Variants in LAMB2 observed in about 807,000 individuals in gnomAD.
LAMB2 encodes laminin subunit beta-2.
LAMB2 carries 119 observed loss-of-function variants against 202.7 expected under a neutral mutation model. The observed-to-expected ratio is 0.59, with a 90% CI of 0.51 to 0.68. The LOEUF (loss-of-function observed/expected upper bound fraction) is 0.68. Among genes scored for constraint, LAMB2 ranks in the 30% least tolerant of loss-of-function variants. LAMB2 has a pLI of 0.00. For missense variants in LAMB2, 2,124 were observed against 2,410.6 expected (o/e 0.88, Z 2.49); for synonymous variants, 818 against 902.2 (o/e 0.91, Z 1.67).
At position 49,129,680 on chromosome 3, in the gene LAMB2, C is replaced by T. The variant is rs144230655; in HGVS notation, c.1442G>A (p.Ser481Asn). 1.2e-4 allele frequency: 199 copies of T among 1,613,964 alleles called. No individual in the cohort carries two copies. The highest frequency in any genetic ancestry group is 1.6e-4 in the Middle Eastern group (1 of 6,084). ...QCNARGTVPG[S>N]TPCDPNSGSC... ...TCCACTGTTGGGGTCACAAGGAGTG[C>T]TCCCAGGCACTGTGCCCCGTGCATT... Residue 481 changes from serine to asparagine, a missense_variant, in exon 11 of 32, where the codon AGC becomes AAC. Coordinates refer to ENST00000305544, the MANE Select transcript of LAMB2 (RefSeq NM_002292.4). This position sits in a 1 kb window ranked among gnomAD's most constrained non-coding sequence, Gnocchi z 6.1.
chr3:49,123,607 C>T lies in LAMB2; in HGVS notation c.3822G>A (p.Glu1274=). ...ELRREIGEAT[E]HLTQLEADLT... is the part of the protein sequence containing the mutation. ...GGTCTGCCTCGAGCTGAGTCAGGTG[C>T]TCAGTGGCCTCCCCAATTTCACGCC... Residue 1274 remains glutamate, a synonymous_variant, in exon 25 of 32, where the codon GAG becomes GAA. Transcript: ENST00000305544. 6.2e-7 allele frequency: 1 copy of T among 1,614,170 alleles called. No homozygotes were observed. The highest frequency in any genetic ancestry group is 2.2e-5 in the East Asian group (1 of 44,890).
At chr3:49,123,077 G>C (rs1378936377) in intron 26 of LAMB2, 25 bp from the exon 27 acceptor site, 3 of 1,606,500 alleles carry the variant, frequency 1.9e-6, no homozygotes, top group Middle Eastern at 1.7e-4. Flanking sequence ...ACAAGTCAGG[G>C]CCCTGTGAGA....
Position 49,132,238 on chromosome 3 carries a change from C to A in LAMB2, c.385+32G>T, listed in dbSNP as rs760323101. The A allele has an allele frequency of 1.2e-6, 2 of 1,614,178 alleles. No homozygotes were observed. The highest frequency in any genetic ancestry group is 1.7e-6 in the Non-Finnish European group (2 of 1,180,020). ...GGACTCAAAGCTACTGGTGGGCAGCCCTGCTCACTTTTGCCCCACCCATGG... is the reference window on the plus strand; with the variant it reads ...GGACTCAAAGCTACTGGTGGGCAGCACTGCTCACTTTTGCCCCACCCATGG... On this transcript the variant is annotated intron_variant, in intron 3 of 31. Coordinates refer to ENST00000305544, the MANE Select transcript of LAMB2 (RefSeq NM_002292.4). This position sits in a 1 kb window ranked among gnomAD's most constrained non-coding sequence, Gnocchi z 4.6.
chr3:49,123,679 C>T, intron 24 of LAMB2, 48 bp from the exon 25 acceptor site: 1 of 1,613,758 alleles, frequency 6.2e-7, no homozygotes, highest in South Asian at 1.1e-5. Context: ...AGCCCTGGTC[C>T]ACTGGGCCTC....
Position 49,126,003 on chromosome 3 carries a change from TGAG to T in LAMB2, c.2305_2307del (p.Leu769del). The T allele has an allele frequency of 1.2e-6, 2 of 1,614,120 alleles. No homozygotes were observed. The highest frequency in any genetic ancestry group is 1.6e-4 in the Middle Eastern group (1 of 6,062). The stretch of plus-strand genomic sequence containing the variant: ...TTGTAGATGAGGGTGGACAGGCTGA[TGAG>T]GAGGGGTGCGCAGGCCTCAGAGGGA... On this transcript the variant is annotated inframe_deletion, in exon 17 of 32. Transcript: ENST00000305544.
In LAMB2 at chr3:49,124,270, T is replaced by C. The variant is rs752091451; in HGVS notation, c.3344A>G (p.His1115Arg). The C allele has an allele frequency of 6.2e-7, 1 of 1,613,926 alleles. No individual in the cohort carries two copies. Among genetic ancestry groups the C allele is most frequent in the African/African-American group, 1.3e-5 (1 of 74,950 alleles). The stretch of plus-strand genomic sequence containing the variant: ...CCGCCCTCCAAAGCCGGCACGGCAG[T>C]GGCACTGCCCTGTGAACTGGGGTGG... The part of the protein sequence containing the change: ...PTCNEFTGQC[H>R]CRAGFGGRTC... The change falls in exon 23 of 32, where the codon CAC (histidine) becomes CGC (arginine). Residue 1115 changes from histidine (H) to arginine (R), a missense_variant. By Grantham distance (29) the His-to-Arg change is conservative. This residue lies in a region of LAMB2 where 1,702 missense variants were observed against 1,896.3 expected (regional missense o/e 0.90). Transcript: ENST00000305544.
rs1227105803 is a variant in LAMB2, at chr3:49,122,219, A to G, written c.4725T>C (p.Arg1575=). 6.2e-7 allele frequency: 1 copy of G among 1,613,490 alleles called. No individual in the cohort carries two copies. The highest frequency in any genetic ancestry group is 8.5e-7 in the Non-Finnish European group (1 of 1,180,036). ...SLADVDAILA[R]TVGDVRRAEQ... Reference sequence around the variant, plus strand: ...CGGCACGACGCACATCTCCTACAGTACGTGCCAGGATCGCATCCACATCTG... The same window carrying G: ...CGGCACGACGCACATCTCCTACAGTGCGTGCCAGGATCGCATCCACATCTG... The change falls in exon 28 of 32, where the codon CGT becomes CGC. Residue 1575 remains arginine (R), a synonymous_variant. Coordinates refer to ENST00000305544, the MANE Select transcript of LAMB2 (RefSeq NM_002292.4).
In LAMB2 at chr3:49,128,819, C is replaced by A. The variant is rs560385394; in HGVS notation, c.1732G>T (p.Val578Leu). The A allele has an allele frequency of 2.5e-6, 4 of 1,611,678 alleles. No individual in the cohort carries two copies. In the South Asian group the frequency reaches 4.4e-5, roughly 18 times the overall value. Residue 578 changes from valine (V) to leucine (L), a missense_variant and splice_region_variant, in exon 14 of 32, where the codon GTG (valine) becomes TTG (leucine). By Grantham distance (32) the Val-to-Leu change is conservative. Coordinates refer to ENST00000305544, the MANE Select transcript of LAMB2 (RefSeq NM_002292.4). ...ACCAGGCGCTCCACCACATCGAGCA[C>A]CTGGGAGATAATGCAGCCAGGGATG... ...IWEAEDTRGQ[V>L]LDVVERLVTP...
In LAMB2 at chr3:49,124,544, G is replaced by A; in HGVS notation, c.3178C>T (p.Pro1060Ser). The A allele has an allele frequency of 1.2e-6, 2 of 1,613,826 alleles. No homozygotes were observed. The highest frequency in any genetic ancestry group is 8.5e-7 in the Non-Finnish European group (1 of 1,180,014). ...AGGCATGGGCACTGCCCACTGCTTG[G>A]ATCACAGTGGCACTGGTCAGGAGAT... is the stretch of plus-strand genomic sequence containing the variant. ...CPSPDQCHCD[P>S]SSGQCPCLPN... is the part of the protein sequence containing the mutation. Residue 1060 changes from proline to serine, a missense_variant, in exon 22 of 32, where the codon CCA becomes TCA. Transcript: ENST00000305544.
Position 49,129,783 on chromosome 3 carries a change from G to C in LAMB2, c.1405+56C>G. 1.9e-6 allele frequency: 3 copies of C among 1,610,238 alleles called. No homozygotes were observed. The highest frequency in any genetic ancestry group is 2.5e-6 in the Non-Finnish European group (3 of 1,176,674). On this transcript the variant is annotated intron_variant, in intron 10 of 31. Transcript: ENST00000305544. This position sits in a 1 kb window ranked among gnomAD's most constrained non-coding sequence, Gnocchi z 6.1. ...CAGTGCTCATGTTCAGCTGAGTCAG[G>C]AGTAAGAGGACAGGGGTTAAAGGTC...
chr3:49,126,165 G>A lies in LAMB2; in HGVS notation c.2152-6C>T. The A allele has an allele frequency of 6.2e-7, 1 of 1,611,752 alleles. No individual in the cohort carries two copies. Among genetic ancestry groups the A allele is most frequent in the Non-Finnish European group, 8.5e-7 (1 of 1,179,904 alleles). Reference sequence around the variant, plus strand: ...ACACGGGGCAGCAGCACCAGCTGAAGGAGTGAGCAAGGAAGATCGCAGTTC... The same window carrying A: ...ACACGGGGCAGCAGCACCAGCTGAAAGAGTGAGCAAGGAAGATCGCAGTTC... On this transcript the variant is annotated splice_polypyrimidine_tract_variant and splice_region_variant and intron_variant, in intron 16 of 31. Transcript: ENST00000305544.
Position 49,121,206 on chromosome 3 carries a change from G to C in LAMB2, c.*20C>G, listed in dbSNP as rs368990727. 6.8e-6 allele frequency: 11 copies of C among 1,612,044 alleles called. No individual in the cohort carries two copies. Among genetic ancestry groups the C allele is most frequent in the African/African-American group, 1.3e-5 (1 of 74,998 alleles). ...GCATGTGGGGCAGTGCTAGGAACTG[G>C]GGTAGGCCTTGGGCAGGGGTCACTG... On this transcript the variant is annotated 3_prime_UTR_variant, in exon 32 of 32. Coordinates refer to ENST00000305544, the MANE Select transcript of LAMB2 (RefSeq NM_002292.4).
In LAMB2 at chr3:49,121,757, C is replaced by A. The variant is rs199580679; in HGVS notation, c.5027G>T (p.Gly1676Val). 7.1e-4 allele frequency: 1,146 copies of A among 1,613,772 alleles called. 14 individuals are homozygous for A. The South Asian group carries it at 0.012, about 17-fold the overall frequency. Residue 1676 changes from glycine (G) to valine (V), a missense_variant, in exon 30 of 32, where the codon GGA becomes GTA. By Grantham distance (109) the Gly-to-Val change is moderately radical (BLOSUM62 -3). Around this residue, in one of 3 missense-constraint regions of LAMB2, gnomAD observed 1,702 missense variants for 1,896.3 expected, o/e 0.90. Transcript: ENST00000305544. ...LLEALKLKRAGNSLAASTAEE... is the reference protein window; with the variant it reads ...LLEALKLKRAVNSLAASTAEE... Reference sequence around the variant, plus strand: ...TGCTGTAGAGGCTGCCAGACTATTTCCTGCCCGTTTCAATTTCAGAGCCTC... The same window carrying A: ...TGCTGTAGAGGCTGCCAGACTATTTACTGCCCGTTTCAATTTCAGAGCCTC...
rs1274832742 is a variant in LAMB2, at chr3:49,122,360, A to G, written c.4584T>C (p.Ala1528=). The G allele has an allele frequency of 1.2e-6, 2 of 1,613,182 alleles. No individual in the cohort carries two copies. Among genetic ancestry groups the G allele is most frequent in the African/African-American group, 2.7e-5 (2 of 74,950 alleles). The change falls in exon 28 of 32, where the codon GCT becomes GCC. Residue 1528 remains alanine (A), a synonymous_variant. Transcript: ENST00000305544. ...CCACCATTTCAATGCTATCAGGATC[A>G]GCCCCCTCCTCTATAGGGACACAGC... ...SVKDFLNQEG[A]DPDSIEMVAT...
In LAMB2 at chr3:49,125,825, A is replaced by T; in HGVS notation, c.2410T>A (p.Cys804Ser). Residue 804 changes from cysteine (C) to serine (S), a missense_variant, in exon 18 of 32, where the codon TGC (cysteine) becomes AGC (serine). Cys to Ser is a moderately radical substitution (Grantham distance 112). This residue lies in a region of LAMB2 where 1,702 missense variants were observed against 1,896.3 expected (regional missense o/e 0.90). Coordinates refer to ENST00000305544, the MANE Select transcript of LAMB2 (RefSeq NM_002292.4). ...CGGCGCCCAACCACTCCAGGCTTGC[A>T]CAGGCACTGACCACCATGAGGGTTG... is the stretch of plus-strand genomic sequence containing the variant. ...ECNPHGGQCL[C>S]KPGVVGRRCD... The T allele has an allele frequency of 6.2e-7, 1 of 1,614,162 alleles. No individual in the cohort carries two copies. Among genetic ancestry groups the T allele is most frequent in the Non-Finnish European group, 8.5e-7 (1 of 1,180,018 alleles).
chr3:49,129,840 C>G lies in LAMB2; in HGVS notation c.1404G>C (p.Arg468=). 1 of 1,613,812 alleles carries G rather than the reference C, an allele frequency of 6.2e-7. No individual in the cohort carries two copies. Among genetic ancestry groups the G allele is most frequent in the Non-Finnish European group, 8.5e-7 (1 of 1,180,022 alleles). Residue 468 remains arginine, a splice_region_variant and synonymous_variant, in exon 10 of 32, where the codon CGG becomes CGC. Coordinates refer to ENST00000305544, the MANE Select transcript of LAMB2 (RefSeq NM_002292.4). The surrounding 1 kb of genome is among the most constrained non-coding windows in gnomAD (Gnocchi z 6.1). Reference sequence around the variant, plus strand: ...GAAGTTAGGGCAGGAGACACATACGCCGGCAGCCCAGACGGTCACTGATGC... The same window carrying G: ...GAAGTTAGGGCAGGAGACACATACGGCGGCAGCCCAGACGGTCACTGATGC... ...GLSISDRLGC[R]RCQCNARGTV... is the part of the protein sequence containing the mutation.
At chr3:49,128,060 AGAAACAT>A (rs1264199949) in intron 15 of LAMB2, among the ~76,000 whole-genome samples, 4 of 151,474 alleles carry the variant, frequency 2.6e-5, no homozygotes, top group South Asian at 4.2e-4. Context: ...GAAAAAAAAA[AGAAACAT>A]GAAACATGAA....
chr3:49,130,528 G>A lies in LAMB2; in HGVS notation c.1037-109C>T. 4 of 1,416,114 alleles carry A rather than the reference G, an allele frequency of 2.8e-6. No homozygotes were observed. In the South Asian group the frequency reaches 3.5e-5, roughly 12 times the overall value. The allele number at this position is 1,416,114 out of a possible 1,614,324, so 87.7% of individuals were successfully genotyped here. ...CACAGGCCAGAATTTGTGGGTAGGG[G>A]CTCAGGGACTTCAAGGCCTCAGCAT... On this transcript the variant is annotated intron_variant, in intron 8 of 31. Coordinates refer to ENST00000305544, the MANE Select transcript of LAMB2 (RefSeq NM_002292.4). This position sits in a 1 kb window ranked among gnomAD's most constrained non-coding sequence, Gnocchi z 5.0.
In LAMB2 at chr3:49,124,833, C is replaced by A; in HGVS notation, c.2977G>T (p.Asp993Tyr). The A allele has an allele frequency of 6.2e-7, 1 of 1,614,144 alleles. No individual in the cohort carries two copies. Among genetic ancestry groups the A allele is most frequent in the South Asian group, 1.1e-5 (1 of 91,078 alleles). The change falls in exon 21 of 32, where the codon GAC becomes TAC. Residue 993 changes from aspartate to tyrosine, a missense_variant. By Grantham distance (160) the Asp-to-Tyr change is radical. Around this residue, in one of 3 missense-constraint regions of LAMB2, gnomAD observed 1,702 missense variants for 1,896.3 expected, o/e 0.90. Transcript: ENST00000305544. ...CQLCECSGNI[D>Y]PMDPDACDPH... is the part of the protein sequence containing the mutation. ...TCACAGGCATCAGGATCCATTGGGT[C>A]AATGTTCCCACTGCACTCACACAGT...
Sources: gnomAD v4.1 joint callset for allele counts (sites outside exome capture counted in the v4.1 genomes callset) on GRCh38, gnomAD v4.1.1 for gene constraint, gnomAD v4.1.1 regional missense constraint, Gnocchi (gnomAD v3.1) non-coding constraint, MANE v1.5 for transcripts, NCBI Gene and HGNC (gene_info 2026-07-23, HGNC 2026-07-21) for gene names.